The following TMC1 variants were observed in gnomAD, a reference collection of about 807,000 sequenced individuals.
The protein encoded by TMC1 is transmembrane channel like 1, also known as transmembrane channel-like protein 1.
A neutral mutation model predicts 105.8 loss-of-function variants in TMC1; 84 were observed. The observed-to-expected ratio is 0.79, with a 90% confidence interval of 0.67 to 0.95. TMC1 has a LOEUF of 0.95. Ranked by LOEUF, TMC1 falls within the 40% of genes least tolerant of loss-of-function variation. The pLI is 0.00. For missense variants in TMC1, 817 were observed against 914.1 expected (o/e 0.89, Z 1.37); for synonymous variants, 315 against 311.5 (o/e 1.01, Z -0.12).
chr9:72,828,958 A>T (rs1829000489), intron 21 of TMC1, among the ~76,000 whole-genome samples: 1 of 152,214 alleles, frequency 6.6e-6, no homozygotes, highest in Non-Finnish European at 1.5e-5. Context: ...TTCTTAATTC[A>T]TGGGCCATAC....
chr9:72,836,640 T>C lies in TMC1; in HGVS notation c.*667T>C, dbSNP rs1402116871. The C allele has an allele frequency of 6.6e-6, 1 of 152,102 alleles. No individual in the cohort carries two copies. Among genetic ancestry groups the C allele is most frequent in the Non-Finnish European group, 1.5e-5 (1 of 68,122 alleles). 9.4% of individuals were successfully genotyped at this position (152,102 alleles called of 1,614,324 possible). Reference sequence around the variant, plus strand: ...AGCACTGAGTTGAAGATCTTGAAGATCTCTTACTTTGAGAAGGTACATGAG... The same window carrying C: ...AGCACTGAGTTGAAGATCTTGAAGACCTCTTACTTTGAGAAGGTACATGAG... On this transcript the variant is annotated 3_prime_UTR_variant, in exon 24 of 24. Transcript: ENST00000297784.
In TMC1 at chr9:72,792,302, C is replaced by T; in HGVS notation, c.1516C>T (p.His506Tyr). ...TAGCACTGGACCACCCTTTTTTGTT[C>T]ACCCTGCAGATGTACCTCGAGGACC... is the stretch of plus-strand genomic sequence containing the variant. Reference protein sequence around the residue: ...ENSTGPPFFVHPADVPRGPCW... With the variant: ...ENSTGPPFFVYPADVPRGPCW... Residue 506 changes from histidine (H) to tyrosine (Y), a missense_variant, in exon 17 of 24, where the codon CAC becomes TAC. Physicochemically the swap from His to Tyr is moderately conservative, Grantham distance 83. Transcript: ENST00000297784. The T allele has an allele frequency of 6.2e-7, 1 of 1,614,008 alleles. No individual in the cohort carries two copies.
chr9:72,744,811 A>G (rs1049790114), intron 10 of TMC1, among the ~76,000 whole-genome samples: 1 of 152,214 alleles, frequency 6.6e-6, no homozygotes, highest in Non-Finnish European at 1.5e-5. Context: ...TTGTGTTCCA[A>G]TAGGCTATAG....
intron 2 of TMC1, among the ~76,000 whole-genome samples, chr9:72,580,080 G>A (rs997495360): frequency 6.6e-6 from 1 of 152,136 alleles, no homozygotes; most frequent in Non-Finnish European, 1.5e-5. Context: ...AGCGTGGTCC[G>A]TGGACTAGCA....
chr9:72,576,029 T>A (rs1824373930), intron 1 of TMC1, among the ~76,000 whole-genome samples: 1 of 152,060 alleles, frequency 6.6e-6, no homozygotes, highest in Admixed American at 6.6e-5. Context: ...ATGTTTTTGA[T>A]GGTAATGTCT....
chr9:72,610,121 G>A (rs1287709619), intron 2 of TMC1, among the ~76,000 whole-genome samples: 1 of 152,112 alleles, frequency 6.6e-6, no homozygotes, highest in Non-Finnish European at 1.5e-5. Flanking sequence ...ATAAATCAAT[G>A]ATGAATAACA....
At chr9:72,605,717 A>G (rs922218305) in intron 2 of TMC1, among the ~76,000 whole-genome samples, 1 of 151,706 alleles carries the variant, frequency 6.6e-6, no homozygotes, top group Admixed American at 6.6e-5. Flanking sequence ...CTGGGATTAC[A>G]GGCATACACC....
At chr9:72,729,238 T>A (rs2117976472) in intron 8 of TMC1, among the ~76,000 whole-genome samples, 1 of 152,288 alleles carries the variant, frequency 6.6e-6, no homozygotes, top group South Asian at 2.1e-4. Context: ...TGTACATAGG[T>A]CACTCTCATG....
intron 1 of TMC1, among the ~76,000 whole-genome samples, chr9:72,575,614 A>G (rs1009667243): frequency 3.3e-5 from 5 of 152,172 alleles, no homozygotes; most frequent in Admixed American, 1.3e-4. Context: ...CATCTGAGAG[A>G]AGCACACACA....
intron 7 of TMC1, among the ~76,000 whole-genome samples, chr9:72,697,383 T>G (rs1826568039): frequency 6.6e-6 from 1 of 152,136 alleles, no homozygotes; most frequent in Non-Finnish European, 1.5e-5. Flanking sequence ...ATAGGCCACT[T>G]AGATACAAAT....
At chr9:72,802,773 G>GA (rs1828498479) in intron 17 of TMC1, among the ~76,000 whole-genome samples, 1 of 151,996 alleles carries the variant, frequency 6.6e-6, no homozygotes, top group African/African-American at 2.4e-5. Context: ...TCATGGATAG[G>GA]AAAAATCAAT....
intron 2 of TMC1, among the ~76,000 whole-genome samples, chr9:72,581,184 A>G (rs1191329792): frequency 6.6e-6 from 1 of 152,246 alleles, no homozygotes; most frequent in Non-Finnish European, 1.5e-5. Context: ...TCAAGTACTT[A>G]AAGCTTTCTT....
At chr9:72,694,953 A>G (rs1479977828) in intron 7 of TMC1, among the ~76,000 whole-genome samples, 1 of 152,208 alleles carries the variant, frequency 6.6e-6, no homozygotes, top group African/African-American at 2.4e-5. Context: ...CTGAATTATC[A>G]TAGGTCGTTG....
chr9:72,553,115 A>G (rs1260245148), intron 1 of TMC1, among the ~76,000 whole-genome samples: 1 of 152,044 alleles, frequency 6.6e-6, no homozygotes, highest in Non-Finnish European at 1.5e-5. Flanking sequence ...CTGGGATTAC[A>G]GGCATGTGCC....
intron 17 of TMC1, among the ~76,000 whole-genome samples, chr9:72,798,786 C>T (rs894461430): frequency 2.0e-5 from 3 of 151,848 alleles, no homozygotes; most frequent in Non-Finnish European, 4.4e-5. Context: ...ACTCCCATGA[C>T]ACAAATTTAC....
intron 17 of TMC1, among the ~76,000 whole-genome samples, chr9:72,801,412 G>A (rs1828468172): frequency 6.6e-6 from 1 of 152,148 alleles, no homozygotes; most frequent in Admixed American, 6.5e-5. Flanking sequence ...TAGGTAATTT[G>A]CTCAAGATCT....
intron 1 of TMC1, among the ~76,000 whole-genome samples, chr9:72,570,632 C>G (rs1824261229): frequency 7.2e-6 from 1 of 138,506 alleles, no homozygotes; most frequent in African/African-American, 2.7e-5. Flanking sequence ...ACACCATATA[C>G]TTACCATGTA....
intron 17 of TMC1, among the ~76,000 whole-genome samples, chr9:72,798,751 G>A (rs1051803176): frequency 6.6e-6 from 1 of 151,768 alleles, no homozygotes; most frequent in African/African-American, 2.4e-5. Flanking sequence ...TTAATACCTG[G>A]GTGATAAAAT....
intron 11 of TMC1, 39 bp from the exon 12 acceptor site, chr9:72,754,747 T>TG: frequency 6.6e-7 from 1 of 1,504,378 alleles, no homozygotes; most frequent in South Asian, 1.1e-5. Context: ...TCAGACTTTG[T>TG]TTCTAATTGT....
Sources: allele counts gnomAD v4.1 joint callset (sites outside exome capture counted in the v4.1 genomes callset), GRCh38; gene constraint gnomAD v4.1.1; transcripts MANE v1.5; gene names NCBI Gene and HGNC (gene_info 2026-07-23, HGNC 2026-07-21).